The following SH3RF3 variants were observed in gnomAD, a reference collection of about 807,000 sequenced individuals.
SH3RF3 encodes SH3 domain containing ring finger 3, also known as E3 ubiquitin-protein ligase SH3RF3.
In SH3RF3, 29 loss-of-function variants were observed where a neutral mutation model predicts 66.3. The observed-to-expected ratio is 0.44, with a 90% CI of 0.33 to 0.60. The LOEUF (loss-of-function observed/expected upper bound fraction) is 0.60. Ranked by LOEUF, SH3RF3 falls within the 20% of genes least tolerant of loss-of-function variation. SH3RF3 has a pLI of 0.04. For synonymous variants in SH3RF3, 583 were observed against 532.0 expected (o/e 1.10, Z -1.32); for missense variants, 1,194 against 1,190.9 (o/e 1.00, Z -0.04).
chr2:109,183,413 C>T (rs1016529016), intron 1 of SH3RF3, among the ~76,000 whole-genome samples: 1 of 152,174 alleles, frequency 6.6e-6, no homozygotes, highest in Non-Finnish European at 1.5e-5. Context: ...GGAAACAAAG[C>T]TCTACCTTAT....
At chr2:109,467,131 C>T (rs1224471648) in intron 8 of SH3RF3, among the ~76,000 whole-genome samples, 1 of 152,234 alleles carries the variant, frequency 6.6e-6, no homozygotes, top group East Asian at 1.9e-4. Flanking sequence ...GTCACTCAGC[C>T]ATTCCACTCC....
intron 1 of SH3RF3, among the ~76,000 whole-genome samples, chr2:109,172,613 C>G (rs999486455): frequency 6.6e-6 from 1 of 152,192 alleles, no homozygotes; most frequent in Non-Finnish European, 1.5e-5. Context: ...TGTTTTGAAT[C>G]AGCAGCATCA....
At chr2:109,349,806 T>C (rs1055067342) in intron 2 of SH3RF3, among the ~76,000 whole-genome samples, 3 of 152,228 alleles carry the variant, frequency 2.0e-5, no homozygotes, top group African/African-American at 7.2e-5. Context: ...TTTCCTGTCA[T>C]CACCATATAA....
At chr2:109,400,214 GC>G (rs1037909329) in intron 4 of SH3RF3, among the ~76,000 whole-genome samples, 5 of 152,094 alleles carry the variant, frequency 3.3e-5, no homozygotes, top group Non-Finnish European at 4.4e-5. Flanking sequence ...ACACACACTT[GC>G]ACACATGCAC....
intron 1 of SH3RF3, among the ~76,000 whole-genome samples, chr2:109,341,142 AC>A (rs1390306110): frequency 6.6e-6 from 1 of 152,178 alleles, no homozygotes; most frequent in African/African-American, 2.4e-5. Flanking sequence ...AAAGGAAGAA[AC>A]TGACAGAAGA....
intron 3 of SH3RF3, among the ~76,000 whole-genome samples, chr2:109,397,065 T>C (rs1429722572): frequency 6.6e-6 from 1 of 152,194 alleles, no homozygotes; most frequent in Non-Finnish European, 1.5e-5. Context: ...GCCTCTGTGG[T>C]GCCCTACAGC....
At chr2:109,375,292 G>A (rs893075114) in intron 3 of SH3RF3, among the ~76,000 whole-genome samples, 3 of 152,310 alleles carry the variant, frequency 2.0e-5, no homozygotes, top group East Asian at 1.9e-4. Context: ...TTCGCCCATC[G>A]TTTTGCAAAA....
intron 9 of SH3RF3, among the ~76,000 whole-genome samples, chr2:109,500,130 G>T (rs1455523649): frequency 6.6e-6 from 1 of 152,192 alleles, no homozygotes; most frequent in Non-Finnish European, 1.5e-5. Flanking sequence ...CTGCCGTGAG[G>T]TTTCTCAGGC....
intron 1 of SH3RF3, chr2:109,141,603 G>A (rs1341040027): frequency 1.3e-5 from 2 of 154,910 alleles, no homozygotes; most frequent in African/African-American, 4.8e-5. Context: ...TCTCTATCGT[G>A]AAATCGGATG....
At chr2:109,439,647 C>T (rs2104596637) in intron 7 of SH3RF3, among the ~76,000 whole-genome samples, 1 of 152,128 alleles carries the variant, frequency 6.6e-6, no homozygotes, top group Middle Eastern at 3.4e-3. Context: ...GGCAGAGCAC[C>T]CCCTGTAAAG....
At chr2:109,141,620 T>G (rs1033666763) in intron 1 of SH3RF3, 5 of 154,906 alleles carry the variant, frequency 3.2e-5, no homozygotes, top group African/African-American at 1.2e-4. Context: ...GATGTGAATT[T>G]AGGGTGCAGA....
At chr2:109,325,820 C>G (rs909363404) in intron 1 of SH3RF3, among the ~76,000 whole-genome samples, 1 of 152,258 alleles carries the variant, frequency 6.6e-6, no homozygotes, top group Non-Finnish European at 1.5e-5. Flanking sequence ...GGCAAAGATG[C>G]TGGCCCGAGC....
At chr2:109,255,009 T>A (rs749117159) in intron 1 of SH3RF3, among the ~76,000 whole-genome samples, 2 of 152,176 alleles carry the variant, frequency 1.3e-5, no homozygotes, top group African/African-American at 4.8e-5. Context: ...AGATCATTTG[T>A]ATCTGGAAAG....
chr2:109,299,782 AT>A (rs1363458829), intron 1 of SH3RF3, among the ~76,000 whole-genome samples: 1 of 152,118 alleles, frequency 6.6e-6, no homozygotes, highest in Non-Finnish European at 1.5e-5. Flanking sequence ...CAGATGGAGG[AT>A]GTGGCCGTGG....
intron 1 of SH3RF3, among the ~76,000 whole-genome samples, chr2:109,190,644 T>C (rs576002792): frequency 1.3e-5 from 2 of 152,282 alleles, no homozygotes; most frequent in East Asian, 3.9e-4. Context: ...TGAAAATCTT[T>C]CTTATTGTTT....
In SH3RF3 at chr2:109,432,680, ATGG is replaced by A. The variant is rs763251171; in HGVS notation, c.1574+16_1574+18del. The A allele has an allele frequency of 2.5e-6, 4 of 1,607,932 alleles. No individual in the cohort carries two copies. Among genetic ancestry groups the A allele is most frequent in the Non-Finnish European group, 2.5e-6 (3 of 1,177,090 alleles). On this transcript the variant is annotated intron_variant, in intron 6 of 9. Transcript: ENST00000309415. Reference sequence around the variant, plus strand: ...GTGACACCCGTTTCCAGGTGAGGGCATGGTGGTGGCAGCCTGGGCAAGGAGAGG... The same window carrying A: ...GTGACACCCGTTTCCAGGTGAGGGCATGGTGGCAGCCTGGGCAAGGAGAGG...
In SH3RF3 at chr2:109,224,283, TTTGGTA is replaced by T. The variant is rs1679321322; in HGVS notation, c.573+94173_573+94178del. Among the ~76,000 whole-genome samples the T allele has an allele frequency of 2.0e-5, 3 of 152,346 alleles. No individual in the cohort carries two copies. The East Asian group carries it at 5.8e-4, about 29-fold the overall frequency. On this transcript the variant is annotated intron_variant, in intron 1 of 9. Transcript: ENST00000309415. The stretch of plus-strand genomic sequence containing the variant: ...ACCAAGCATAGTAAAATAAGACTTG[TTTGGTA>T]TTATTAGTGATGCTAAAACTATATG...
At chr2:109,444,184 A>G (rs1360433268) in intron 7 of SH3RF3, among the ~76,000 whole-genome samples, 2 of 152,280 alleles carry the variant, frequency 1.3e-5, no homozygotes, top group African/African-American at 4.8e-5. Context: ...AAGGGATATT[A>G]TAACGCATTT....
intron 1 of SH3RF3, among the ~76,000 whole-genome samples, chr2:109,161,093 A>G (rs1228544721): frequency 3.9e-5 from 6 of 152,204 alleles, no homozygotes; most frequent in Non-Finnish European, 4.4e-5. Context: ...TCGACTGTTC[A>G]TTTAGAAGAG....
Sources: gnomAD v4.1 joint callset for allele counts (sites outside exome capture counted in the v4.1 genomes callset) on GRCh38, gnomAD v4.1.1 for gene constraint, MANE v1.5 for transcripts, NCBI Gene and HGNC (gene_info 2026-07-23, HGNC 2026-07-21) for gene names.